Variants in IFT122 observed in about 807,000 individuals in gnomAD.
IFT122 encodes intraflagellar transport protein 122 homolog.
In IFT122, 118 loss-of-function variants were observed where a neutral mutation model predicts 161.6. That is an observed-to-expected ratio of 0.73 (90% CI 0.63 to 0.85). The LOEUF (loss-of-function observed/expected upper bound fraction) is 0.85, where lower values mean the gene tolerates loss of function less well. Ranked by LOEUF, IFT122 falls within the 40% of genes least tolerant of loss-of-function variation. The pLI is 0.00. For synonymous variants in IFT122, 550 were observed against 602.4 expected (o/e 0.91, Z 1.27); for missense variants, 1,381 against 1,579.6 (o/e 0.87, Z 2.13).
chr3:129,476,444 A>G lies in IFT122; in HGVS notation c.946A>G (p.Thr316Ala). Reference sequence around the variant, plus strand: ...CACCAAGGATGGAGTGCGGCTTGGGACTGTTGGGGAGCAGAACTCCTGGGT... The same window carrying G: ...CACCAAGGATGGAGTGCGGCTTGGGGCTGTTGGGGAGCAGAACTCCTGGGT... ...LFTKDGVRLGTVGEQNSWVWT... is the reference protein window; with the variant it reads ...LFTKDGVRLGAVGEQNSWVWT... The change falls in exon 10 of 30, where the codon ACT becomes GCT. Residue 316 changes from threonine (T) to alanine (A), a missense_variant. By Grantham distance (58) the Thr-to-Ala change is moderately conservative. Transcript: ENST00000348417. 6.2e-7 allele frequency: 1 copy of G among 1,614,018 alleles called. No homozygotes were observed. The highest frequency in any genetic ancestry group is 1.1e-5 in the South Asian group (1 of 91,074).
intron 23 of IFT122, among the ~76,000 whole-genome samples, chr3:129,509,895 A>T (rs984167338): frequency 1.3e-5 from 2 of 152,216 alleles, no homozygotes; most frequent in Non-Finnish European, 2.9e-5. Context: ...TCTCTATAAA[A>T]TAGGGATAAC....
At chr3:129,445,145 G>T (rs888963493) in intron 1 of IFT122, among the ~76,000 whole-genome samples, 1 of 152,046 alleles carries the variant, frequency 6.6e-6, no homozygotes, top group African/African-American at 2.4e-5. Flanking sequence ...GGCCAACATG[G>T]TAAAACCCTG....
At chr3:129,458,510 C>T (rs1190876793) in intron 3 of IFT122, 89 bp from the exon 4 acceptor site, 28 of 1,081,128 alleles carry the variant, frequency 2.6e-5, no homozygotes, top group South Asian at 2.5e-4. Flanking sequence ...TTACTAGGTA[C>T]CTTAAAGAAC....
chr3:129,487,830 G>A (rs2079477110), intron 15 of IFT122: 2 of 324,506 alleles, frequency 6.2e-6, no homozygotes, highest in South Asian at 5.2e-5. Flanking sequence ...AAAGGGCAGA[G>A]GAAGCTGAGA....
intron 26 of IFT122, among the ~76,000 whole-genome samples, chr3:129,516,630 CACACGG>C (rs2083750946): frequency 7.1e-6 from 1 of 141,630 alleles, no homozygotes; most frequent in Admixed American, 7.1e-5. Flanking sequence ...CACACACACA[CACACGG>C]AGACTGCCCC....
chr3:129,483,488 C>T lies in IFT122; in HGVS notation c.1657C>T (p.Pro553Ser), dbSNP rs776119045. Residue 553 changes from proline to serine, a missense_variant, in exon 15 of 30, where the codon CCA becomes TCA. Transcript: ENST00000348417. ...CCCCACTGTCCCTGTTCCCCAGGAA[C>T]CAAACGCCAACAGTGTAGCTTGGAA... Reference protein sequence around the residue: ...IDTKELLFQEPNANSVAWNTQ... With the variant: ...IDTKELLFQESNANSVAWNTQ... The T allele has an allele frequency of 4.3e-6, 7 of 1,613,960 alleles. No individual in the cohort carries two copies. The South Asian group carries it at 6.6e-5, about 15-fold the overall frequency.
chr3:129,472,146 A>T (rs1188855680), intron 9 of IFT122, among the ~76,000 whole-genome samples: 1 of 152,042 alleles, frequency 6.6e-6, no homozygotes, highest in Non-Finnish European at 1.5e-5. Flanking sequence ...GAGTAATTTC[A>T]TATGTCTGAT....
chr3:129,510,656 G>T (rs1360334522), intron 23 of IFT122, among the ~76,000 whole-genome samples: 1 of 152,156 alleles, frequency 6.6e-6, no homozygotes, highest in Non-Finnish European at 1.5e-5. Flanking sequence ...CCTCACCTGG[G>T]GCATGGGGCT....
At chr3:129,454,232 T>C (rs929841904) in intron 3 of IFT122, among the ~76,000 whole-genome samples, 14 of 152,046 alleles carry the variant, frequency 9.2e-5, no homozygotes, top group African/African-American at 3.4e-4. Flanking sequence ...ACATAAACAA[T>C]TGGCCAGGCA....
chr3:129,478,118 A>G lies in IFT122; in HGVS notation c.1250A>G (p.Glu417Gly), dbSNP rs766681434. ...EKILIYELYS[E>G]DLSDMHYRVK... The stretch of plus-strand genomic sequence containing the variant: ...ATCCTCATCTATGAGTTGTATTCAG[A>G]GGACTTATCAGACATGCATTACCGG... Residue 417 changes from glutamate to glycine, a missense_variant, in exon 12 of 30, where the codon GAG becomes GGG. This residue lies in a region of IFT122 where 544 missense variants were observed against 648.0 expected (regional missense o/e 0.84). Transcript: ENST00000348417. 3.2e-5 allele frequency: 51 copies of G among 1,614,144 alleles called. No homozygotes were observed. The highest frequency in any genetic ancestry group is 4.3e-5 in the Non-Finnish European group (51 of 1,179,952).
intron 1 of IFT122, among the ~76,000 whole-genome samples, chr3:129,441,881 C>T (rs1359915047): frequency 6.6e-6 from 1 of 152,154 alleles, no homozygotes; most frequent in East Asian, 1.9e-4. Flanking sequence ...TGATAGCTGG[C>T]AACTGAACAT....
intron 1 of IFT122, among the ~76,000 whole-genome samples, chr3:129,447,170 G>C (rs1470341737): frequency 6.6e-6 from 1 of 152,114 alleles, no homozygotes; most frequent in African/African-American, 2.4e-5. Flanking sequence ...GATTTATTCT[G>C]AGCCTAATAT....
At chr3:129,507,993 C>A (rs2082361789) in intron 23 of IFT122, among the ~76,000 whole-genome samples, 1 of 152,228 alleles carries the variant, frequency 6.6e-6, no homozygotes, top group South Asian at 2.1e-4. Context: ...TGGAATGGGC[C>A]TTGCTAGTTC....
At chr3:129,495,015 C>T (rs2080673855) in intron 17 of IFT122, among the ~76,000 whole-genome samples, 1 of 152,172 alleles carries the variant, frequency 6.6e-6, no homozygotes, top group African/African-American at 2.4e-5. Flanking sequence ...TTTTATTGGT[C>T]TCCCTCTTGG....
chr3:129,468,505 G>A (rs1020271576), intron 8 of IFT122, among the ~76,000 whole-genome samples: 4 of 152,108 alleles, frequency 2.6e-5, no homozygotes, highest in African/African-American at 9.7e-5. Context: ...ACACCACGCC[G>A]AACTAATTTT....
rs1335708678 is a variant in IFT122 at position 129,514,549 on chromosome 3, A to C, written c.3148A>C (p.Ser1050Arg). ...LTIRAKPFHD[S>R]EELVPLCYRC... Reference sequence around the variant, plus strand: ...CATCCGCGCCAAGCCCTTCCACGACAGTGAGGTGAGGATGCAGCACCCTTG... The same window carrying C: ...CATCCGCGCCAAGCCCTTCCACGACCGTGAGGTGAGGATGCAGCACCCTTG... Residue 1050 changes from serine to arginine, a missense_variant, in exon 25 of 30, where the codon AGT becomes CGT. This residue lies in a region of IFT122 where 20 missense variants were observed against 54.2 expected (regional missense o/e 0.37). Coordinates refer to ENST00000348417, the MANE Select transcript of IFT122 (RefSeq NM_052989.3). 1 of 1,614,066 alleles carries C rather than the reference A, an allele frequency of 6.2e-7. No homozygotes were observed. Among genetic ancestry groups the C allele is most frequent in the African/African-American group, 1.3e-5 (1 of 74,922 alleles).
At chr3:129,505,006 A>G (rs1250557080) in intron 21 of IFT122, among the ~76,000 whole-genome samples, 2 of 152,342 alleles carry the variant, frequency 1.3e-5, no homozygotes, top group Admixed American at 1.3e-4. Flanking sequence ...GGCTGCACAC[A>G]GCGTACAACA....
intron 25 of IFT122, 21 bp downstream of exon 25, chr3:129,514,575 G>A (rs1362394185): frequency 6.2e-7 from 1 of 1,613,898 alleles, no homozygotes; most frequent in Non-Finnish European, 8.5e-7. Flanking sequence ...AGCACCCTTG[G>A]GCAGGTGGCT....
At chr3:129,516,399 C>T (rs1163259285) in intron 26 of IFT122, among the ~76,000 whole-genome samples, 26 of 144,228 alleles carry the variant, frequency 1.8e-4, no homozygotes, top group African/African-American at 6.8e-4. Context: ...CTCCTGCACA[C>T]ACATACAGAG....
Sources: gnomAD v4.1 joint callset for allele counts (sites outside exome capture counted in the v4.1 genomes callset) on GRCh38, gnomAD v4.1.1 for gene constraint, gnomAD v4.1.1 regional missense constraint, MANE v1.5 for transcripts, NCBI Gene and HGNC (gene_info 2026-07-23, HGNC 2026-07-21) for gene names.